SLC30A9: variants seen among roughly 807,000 people sequenced by gnomAD.
SLC30A9 encodes proton-coupled zinc antiporter SLC30A9, mitochondrial.
SLC30A9 carries 58 observed loss-of-function variants against 87.5 expected under a neutral mutation model. The observed-to-expected ratio is 0.66, with a 90% confidence interval of 0.54 to 0.82. The LOEUF (loss-of-function observed/expected upper bound fraction) is 0.82, where lower values mean the gene tolerates loss of function less well. SLC30A9 is among the 40% of genes least tolerant of loss of function. The pLI, the probability that SLC30A9 is intolerant of heterozygous loss-of-function variation, is 0.00. For missense variants in SLC30A9, 557 were observed against 679.1 expected (o/e 0.82, Z 2.00); for synonymous variants, 234 against 233.0 (o/e 1.00, Z -0.04).
intron 2 of SLC30A9, among the ~76,000 whole-genome samples, chr4:42,002,699 T>C (rs1413453427): frequency 1.3e-5 from 2 of 152,114 alleles, no homozygotes; most frequent in Non-Finnish European, 2.9e-5. Flanking sequence ...AGGTTGATTC[T>C]AAGTCTTTGC....
chr4:42,060,094 TTTGTCATTGTTA>T (rs1717782166), intron 9 of SLC30A9, 85 bp from the exon 10 acceptor site: 1 of 892,640 alleles, frequency 1.1e-6, no homozygotes, highest in Non-Finnish European at 1.8e-6. Context: ...TGAGTGTTTC[TTTGTCATTGTTA>T]GCCTGCACCC....
At chr4:42,015,389 TAAAAGC>T (rs1039140906) in intron 2 of SLC30A9, among the ~76,000 whole-genome samples, 2 of 151,880 alleles carry the variant, frequency 1.3e-5, no homozygotes, top group African/African-American at 4.8e-5. Context: ...GAAATAAAAA[TAAAAGC>T]AAAGAAAACA....
chr4:42,031,137 C>G (rs887762518), intron 6 of SLC30A9, among the ~76,000 whole-genome samples: 4 of 151,862 alleles, frequency 2.6e-5, no homozygotes, highest in African/African-American at 9.7e-5. Flanking sequence ...ATGCAGTACT[C>G]CATAGACTGG....
chr4:42,073,004 A>T (rs1478029657), intron 15 of SLC30A9, among the ~76,000 whole-genome samples: 3 of 151,902 alleles, frequency 2.0e-5, no homozygotes, highest in African/African-American at 7.3e-5. Flanking sequence ...AGTAGAGACG[A>T]GGTTTCACCA....
intron 16 of SLC30A9, among the ~76,000 whole-genome samples, chr4:42,076,603 C>T (rs1334559104): frequency 2.0e-5 from 3 of 152,122 alleles, no homozygotes; most frequent in Non-Finnish European, 2.9e-5. Flanking sequence ...TAGAGCATTT[C>T]ATCCTATGAA....
At chr4:42,022,542 G>A (rs1577690393) in intron 4 of SLC30A9, among the ~76,000 whole-genome samples, 1 of 152,190 alleles carries the variant, frequency 6.6e-6, no homozygotes, top group Admixed American at 6.5e-5. Flanking sequence ...CCATATATTA[G>A]AGATGGCAGT....
chr4:42,024,250 A>G (rs942811851), intron 6 of SLC30A9, among the ~76,000 whole-genome samples: 2 of 152,174 alleles, frequency 1.3e-5, no homozygotes, highest in Admixed American at 1.3e-4. Flanking sequence ...ACTTGCCTGT[A>G]ATCCCAGCTA....
In SLC30A9 at chr4:42,012,801, A is replaced by G. The variant is rs151124861; in HGVS notation, c.275-5310A>G. On this transcript the variant is annotated intron_variant, in intron 2 of 17. Transcript: ENST00000264451. The stretch of plus-strand genomic sequence containing the variant: ...AACAAACAAACAAAAAAAACTATTA[A>G]AGCATGTACTTCTGCAAGATGCAGA... 2.6e-4 allele frequency among the ~76,000 whole-genome samples: 39 copies of G among 152,340 alleles called. No homozygotes were observed. In the East Asian group the frequency reaches 5.2e-3, roughly 20 times the overall value.
chr4:42,064,746 T>C (rs1402867726), intron 11 of SLC30A9, among the ~76,000 whole-genome samples: 2 of 152,186 alleles, frequency 1.3e-5, no homozygotes, highest in Admixed American at 6.5e-5. Context: ...GGGTTTCCAT[T>C]AGACTATGGC....
At chr4:42,047,194 C>T (rs1215609027) in intron 8 of SLC30A9, among the ~76,000 whole-genome samples, 1 of 152,132 alleles carries the variant, frequency 6.6e-6, no homozygotes, top group Non-Finnish European at 1.5e-5. Context: ...ACTTTCACAC[C>T]AAAAGCAATG....
chr4:42,042,019 A>C (rs35544582), intron 8 of SLC30A9, among the ~76,000 whole-genome samples: 43,271 of 152,056 alleles, frequency 0.28, 8,719 homozygotes, highest in African/African-American at 0.57. Context: ...GGAACGGTGC[A>C]TTCCAGCCCA....
chr4:41,997,560 C>T (rs1317635514), intron 1 of SLC30A9, among the ~76,000 whole-genome samples: 2 of 151,140 alleles, frequency 1.3e-5, no homozygotes, highest in African/African-American at 4.9e-5. Context: ...CTGTATAAGT[C>T]TTCCGCTTTT....
At chr4:42,044,401 AAAAG>A (rs1042750634) in intron 8 of SLC30A9, among the ~76,000 whole-genome samples, 10 of 151,672 alleles carry the variant, frequency 6.6e-5, no homozygotes, top group Non-Finnish European at 1.5e-4. Flanking sequence ...AAAAAAAAAA[AAAAG>A]CAGGGTTGCA....
At chr4:42,008,342 A>C (rs1715303596) in intron 2 of SLC30A9, among the ~76,000 whole-genome samples, 1 of 152,234 alleles carries the variant, frequency 6.6e-6, no homozygotes, top group South Asian at 2.1e-4. Flanking sequence ...TGGCATAGGT[A>C]GCACTTACTC....
chr4:41,998,567 G>A (rs1183776312), intron 1 of SLC30A9, among the ~76,000 whole-genome samples: 10 of 151,968 alleles, frequency 6.6e-5, no homozygotes, highest in East Asian at 1.9e-4. Context: ...GGGTTCAAGC[G>A]ATTCTCCTGC....
At position 42,082,235 on chromosome 4, in the gene SLC30A9, TAAATA is replaced by T. The variant is rs71200206; in HGVS notation, c.1663-3834_1663-3830del. On this transcript the variant is annotated intron_variant, in intron 17 of 17. Transcript: ENST00000264451. ...CCGTCTCAAAAAAAAAAAAAATAAA[TAAATA>T]AAATAAAATAAAGATAATAAAGCAT... is the stretch of plus-strand genomic sequence containing the variant. 7.1e-3 allele frequency among the ~76,000 whole-genome samples: 260 copies of T among 36,820 alleles called. No individual in the cohort carries two copies. In the East Asian group the frequency reaches 0.18, roughly 26 times the overall value. 24.2% of individuals were successfully genotyped at this position (36,820 alleles called of 152,430 possible). A position where few individuals can be genotyped will look rare whatever the true frequency, so the allele number is the denominator to read the frequency against.
At chr4:42,001,920 CTTAT>C in intron 2 of SLC30A9, 140 bp downstream of exon 2, 1 of 553,204 alleles carries the variant, frequency 1.8e-6, no homozygotes, top group Non-Finnish European at 3.1e-6. Flanking sequence ...TATTAAAGCA[CTTAT>C]TTAATTTCTT....
At chr4:42,013,325 A>C (rs958906081) in intron 2 of SLC30A9, among the ~76,000 whole-genome samples, 9 of 152,146 alleles carry the variant, frequency 5.9e-5, no homozygotes, top group African/African-American at 2.2e-4. Context: ...TTAGATCACT[A>C]TGAAATTCTA....
At chr4:42,018,480 T>C in intron 3 of SLC30A9, 1 of 1,171,828 alleles carries the variant, frequency 8.5e-7, no homozygotes, top group Non-Finnish European at 1.1e-6. Context: ...GCCCACACTT[T>C]TCAGCTACTG....
Sources: gnomAD v4.1 joint callset for allele counts (sites outside exome capture counted in the v4.1 genomes callset) on GRCh38, gnomAD v4.1.1 for gene constraint, MANE v1.5 for transcripts, NCBI Gene and HGNC (gene_info 2026-07-23, HGNC 2026-07-21) for gene names.